The following DIP2C variants were observed in gnomAD, a reference collection of about 807,000 sequenced individuals.
DIP2C encodes the protein DIP2 acetate--CoA ligase C (putative).
In DIP2C, 33 loss-of-function variants were observed where a neutral mutation model predicts 192.4. That is an observed-to-expected ratio of 0.17 (90% CI 0.13 to 0.23). The LOEUF is 0.23. Among genes scored for constraint, DIP2C ranks in the 10% least tolerant of loss-of-function variants. DIP2C has a pLI of 1.00. For missense variants in DIP2C, 1,537 were observed against 2,110.1 expected, an observed-to-expected ratio of 0.73 and a Z score of 5.32; for synonymous variants, 979 against 864.1, an observed-to-expected ratio of 1.13 and a Z score of -2.33.
Position 363,281 on chromosome 10 carries a change from G to A in DIP2C, c.2508C>T (p.His836=), listed in dbSNP as rs200354695. 441 of 1,612,474 alleles carry A rather than the reference G, an allele frequency of 2.7e-4. 2 individuals carry two copies. In the South Asian group the frequency reaches 4.2e-3, roughly 15 times the overall value. ...RIAVFSVTVL[H]DERIVIVAEQ... is the part of the protein sequence containing the mutation. ...CAGCCACGATCACGATCCTCTCGTC[G>A]TGCAGCACGGTCACCGAGAACACGG... Residue 836 remains histidine, a synonymous_variant, in exon 21 of 37, where the codon CAC becomes CAT. Coordinates refer to ENST00000280886, the MANE Select transcript of DIP2C (RefSeq NM_014974.3). This position sits in a 1 kb window ranked among gnomAD's most constrained non-coding sequence, Gnocchi z 5.4.
At chr10:372,697 A>AG in intron 17 of DIP2C, among the ~76,000 whole-genome samples, 194 of 151,900 alleles carry the variant, frequency 1.3e-3, no homozygotes, top group Middle Eastern at 6.8e-3. Flanking sequence ...CCCGACACAC[A>AG]GCCAGGCACA....
At chr10:473,069 A>T (rs1970761928) in intron 2 of DIP2C, among the ~76,000 whole-genome samples, 1 of 152,248 alleles carries the variant, frequency 6.6e-6, no homozygotes, top group African/African-American at 2.4e-5. Context: ...TACTCTCTGG[A>T]AACTTACTCC....
intron 1 of DIP2C, among the ~76,000 whole-genome samples, chr10:508,162 C>G (rs1845758723): frequency 1.3e-5 from 2 of 152,200 alleles, no homozygotes; most frequent in Admixed American, 1.3e-4. Context: ...GGCTTTCTGG[C>G]TCACCACCGC....
intron 1 of DIP2C, among the ~76,000 whole-genome samples, chr10:519,058 G>A (rs912831323): frequency 3.3e-5 from 5 of 152,226 alleles, no homozygotes; most frequent in African/African-American, 1.2e-4. Flanking sequence ...TTTGCAGATT[G>A]TCCTTCAACA....
At chr10:532,085 C>T (rs764792349) in intron 1 of DIP2C, among the ~76,000 whole-genome samples, 1 of 152,166 alleles carries the variant, frequency 6.6e-6, no homozygotes, top group Non-Finnish European at 1.5e-5. Context: ...CTAGAAGTGA[C>T]TGAGTGCTCC....
intron 17 of DIP2C, among the ~76,000 whole-genome samples, chr10:373,540 A>G (rs1384136447): frequency 2.0e-5 from 3 of 152,154 alleles, no homozygotes; most frequent in African/African-American, 7.2e-5. Flanking sequence ...GTCTCAGAAC[A>G]TGTCTGGGGT....
At chr10:416,583 C>G (rs1443664344) in intron 6 of DIP2C, among the ~76,000 whole-genome samples, 1 of 152,194 alleles carries the variant, frequency 6.6e-6, no homozygotes, top group African/African-American at 2.4e-5. Flanking sequence ...TAGCCCCTAC[C>G]TATCCAAGTG....
rs1331429514 is a variant in DIP2C at position 275,467 on chromosome 10, CCA to C, written c.*1856_*1857del. 26 of 125,342 alleles carry C rather than the reference CCA, an allele frequency of 2.1e-4. No individual in the cohort carries two copies. Among genetic ancestry groups the C allele is most frequent in the African/African-American group, 8.0e-4 (25 of 31,424 alleles). The allele number at this position is 125,342 out of a possible 1,614,324, so 7.8% of individuals were successfully genotyped here. Reference sequence around the variant, plus strand: ...ATGCAGACACATTTTTTTAAATGTGCCACTTTTTTTTTTTTTTTTTTTTTAAC... The same window carrying C: ...ATGCAGACACATTTTTTTAAATGTGCCTTTTTTTTTTTTTTTTTTTTTAAC... On this transcript the variant is annotated 3_prime_UTR_variant, in exon 37 of 37. Transcript: ENST00000280886.
chr10:476,418 G>A (rs1247401113), intron 2 of DIP2C, among the ~76,000 whole-genome samples: 2 of 152,196 alleles, frequency 1.3e-5, no homozygotes, highest in African/African-American at 2.4e-5. Context: ...TCAGCCTCCT[G>A]CCTCTGGACA....
intron 1 of DIP2C, among the ~76,000 whole-genome samples, chr10:585,356 TCAG>T (rs1249196476): frequency 2.6e-5 from 4 of 152,186 alleles, no homozygotes; most frequent in Non-Finnish European, 2.9e-5. Context: ...CTGAATTCGC[TCAG>T]AAGACGGGTG....
chr10:443,844 G>A (rs1055643917), intron 3 of DIP2C, among the ~76,000 whole-genome samples: 1 of 152,124 alleles, frequency 6.6e-6, no homozygotes, highest in Non-Finnish European at 1.5e-5. Context: ...CTATCAAATA[G>A]AGTTCAGTGT....
At chr10:578,438 A>G (rs1564220594) in intron 1 of DIP2C, among the ~76,000 whole-genome samples, 1 of 152,216 alleles carries the variant, frequency 6.6e-6, no homozygotes, top group African/African-American at 2.4e-5. Flanking sequence ...TACCTCACTG[A>G]AATCACCAAG....
intron 1 of DIP2C, among the ~76,000 whole-genome samples, chr10:564,904 TTC>T (rs1289187565): frequency 6.6e-6 from 1 of 152,142 alleles, no homozygotes; most frequent in Non-Finnish European, 1.5e-5. Context: ...GAAATCTTTC[TTC>T]TCTGTGTTTG....
rs1957412358 is a variant in DIP2C at position 329,610 on chromosome 10, A to G, written c.3585-9T>C. 6.2e-7 allele frequency: 1 copy of G among 1,613,426 alleles called. No individual in the cohort carries two copies. The highest frequency in any genetic ancestry group is 2.2e-5 in the East Asian group (1 of 44,860). On this transcript the variant is annotated splice_polypyrimidine_tract_variant and intron_variant, in intron 29 of 36. Transcript: ENST00000280886. Reference sequence around the variant, plus strand: ...GGTGCCCAGAATACACACTGCAGAGAAAGAAGAGGCTGTCAGGGCGGGAGC... The same window carrying G: ...GGTGCCCAGAATACACACTGCAGAGGAAGAAGAGGCTGTCAGGGCGGGAGC...
intron 1 of DIP2C, among the ~76,000 whole-genome samples, chr10:568,780 A>AAAAAC (rs1849597874): frequency 6.9e-6 from 1 of 145,510 alleles, no homozygotes; most frequent in Non-Finnish European, 1.5e-5. Context: ...AAAAAAAAAA[A>AAAAAC]AAAAAAAAAA....
chr10:622,226 T>C (rs1345880875), intron 1 of DIP2C, among the ~76,000 whole-genome samples: 2 of 144,268 alleles, frequency 1.4e-5, no homozygotes, highest in South Asian at 2.4e-4. Flanking sequence ...AGAAGTCTCT[T>C]CTCCTCCACC....
At chr10:521,461 A>G (rs1846703535) in intron 1 of DIP2C, among the ~76,000 whole-genome samples, 1 of 152,132 alleles carries the variant, frequency 6.6e-6, no homozygotes, top group Admixed American at 6.5e-5. Context: ...ACATGCTTAC[A>G]AGTCTCGCTT....
Position 378,856 on chromosome 10 carries a change from TGTGAACAGACATGCCTAGACACAC to T in DIP2C, c.1991+3767_1991+3790del, listed in dbSNP as rs1215700221. On this transcript the variant is annotated intron_variant, in intron 17 of 36. Transcript: ENST00000280886. Reference sequence around the variant, plus strand: ...ATGTGAACAGACATGCATAGACACATGTGAACAGACATGCCTAGACACACGTGAACACAGACATGCATAAAGACA... The same window carrying T: ...ATGTGAACAGACATGCATAGACACATGTGAACACAGACATGCATAAAGACA... 4.0e-3 allele frequency among the ~76,000 whole-genome samples: 614 copies of T among 151,636 alleles called. 2 individuals are homozygous for T. The highest frequency in any genetic ancestry group is 0.014 in the Middle Eastern group (4 of 292).
intron 26 of DIP2C, among the ~76,000 whole-genome samples, chr10:347,397 C>T (rs539392883): frequency 6.7e-6 from 1 of 149,878 alleles, no homozygotes; most frequent in South Asian, 2.1e-4. Context: ...AAACGTCACA[C>T]GCACCCGGAC....
Sources: allele counts gnomAD v4.1 joint callset (sites outside exome capture counted in the v4.1 genomes callset), GRCh38; gene constraint gnomAD v4.1.1; non-coding constraint Gnocchi (gnomAD v3.1); transcripts MANE v1.5; gene names NCBI Gene and HGNC (gene_info 2026-07-23, HGNC 2026-07-21).